Variants in PTPRD observed in about 807,000 individuals in gnomAD.
The protein encoded by PTPRD is receptor-type tyrosine-protein phosphatase delta.
A neutral mutation model predicts 214.5 loss-of-function variants in PTPRD; 34 were observed. That is an observed-to-expected ratio of 0.16 (90% CI 0.12 to 0.21). The LOEUF is 0.21. PTPRD is among the 10% of genes least tolerant of loss of function. PTPRD has a pLI of 1.00. For missense variants in PTPRD, 2,545 were observed against 2,398.7 expected, an observed-to-expected ratio of 1.06 and a Z score of -1.27; for synonymous variants, 1,128 against 845.7, an observed-to-expected ratio of 1.33 and a Z score of -5.79.
At chr9:8,790,707 G>C (rs185622902) in intron 11 of PTPRD, among the ~76,000 whole-genome samples, 2 of 151,538 alleles carry the variant, frequency 1.3e-5, no homozygotes, top group Non-Finnish European at 2.9e-5. Context: ...GAGGTTAAAA[G>C]GTTGCAAAAT....
chr9:10,401,581 A>AT (rs1491430468), intron 2 of PTPRD, among the ~76,000 whole-genome samples: 2 of 148,996 alleles, frequency 1.3e-5, no homozygotes, highest in African/African-American at 4.9e-5. Flanking sequence ...TTATATATAT[A>AT]AACAGGTACA....
chr9:10,213,863 ATACT>A (rs1232267184), intron 3 of PTPRD, among the ~76,000 whole-genome samples: 2 of 151,996 alleles, frequency 1.3e-5, no homozygotes, highest in Non-Finnish European at 2.9e-5. Flanking sequence ...AATTTATGAA[ATACT>A]TACTGAGATT....
chr9:9,253,065 A>G (rs1328467717), intron 9 of PTPRD, among the ~76,000 whole-genome samples: 1 of 152,160 alleles, frequency 6.6e-6, no homozygotes, highest in East Asian at 1.9e-4. Context: ...AATTTTAAAA[A>G]GGAACTATTT....
chr9:10,570,099 TA>T (rs1353051081), intron 2 of PTPRD, among the ~76,000 whole-genome samples: 3 of 151,940 alleles, frequency 2.0e-5, no homozygotes, highest in South Asian at 4.1e-4. Context: ...TTCTAAAAAA[TA>T]AAAAAAAGAA....
chr9:8,958,312 C>A lies in PTPRD; in HGVS notation c.-104+60385G>T, dbSNP rs1243854565. On this transcript the variant is annotated intron_variant, in intron 11 of 45. Transcript: ENST00000381196. Reference sequence around the variant, plus strand: ...CACAAATGTTCCATATACTTCTTCTCCCTAATAAGGAAAATTTCTACTTTC... The same window carrying A: ...CACAAATGTTCCATATACTTCTTCTACCTAATAAGGAAAATTTCTACTTTC... Among the ~76,000 whole-genome samples, 4 of 151,888 alleles carry A rather than the reference C, an allele frequency of 2.6e-5. No homozygotes were observed. The East Asian group carries it at 7.7e-4, about 29-fold the overall frequency.
intron 10 of PTPRD, among the ~76,000 whole-genome samples, chr9:9,102,197 A>T (rs1165573839): frequency 1.3e-5 from 2 of 152,180 alleles, no homozygotes; most frequent in African/African-American, 2.4e-5. Flanking sequence ...CTGCTCCATT[A>T]TTTTTAATAG....
chr9:9,977,249 T>A (rs1477778233), intron 4 of PTPRD, among the ~76,000 whole-genome samples: 1 of 152,148 alleles, frequency 6.6e-6, no homozygotes, highest in Non-Finnish European at 1.5e-5. Flanking sequence ...AAAGTAGAAC[T>A]TACCAATTTG....
At chr9:10,277,918 G>C (rs1025435742) in intron 3 of PTPRD, among the ~76,000 whole-genome samples, 2 of 152,170 alleles carry the variant, frequency 1.3e-5, no homozygotes, top group African/African-American at 4.8e-5. Flanking sequence ...CAGCACTTTG[G>C]GAGGGTGAGG....
chr9:10,497,523 T>C (rs1416118425), intron 2 of PTPRD, among the ~76,000 whole-genome samples: 1 of 152,056 alleles, frequency 6.6e-6, no homozygotes, highest in Non-Finnish European at 1.5e-5. Flanking sequence ...TATATAAATG[T>C]AGTTCAAACA....
chr9:8,716,216 G>C (rs1479368131), intron 12 of PTPRD, among the ~76,000 whole-genome samples: 2 of 152,204 alleles, frequency 1.3e-5, no homozygotes, highest in African/African-American at 4.8e-5. Flanking sequence ...CTTGGGCTAG[G>C]AGACACCTAA....
chr9:10,573,111 A>G (rs547521125), intron 2 of PTPRD, among the ~76,000 whole-genome samples: 1 of 152,268 alleles, frequency 6.6e-6, no homozygotes, highest in African/African-American at 2.4e-5. Flanking sequence ...GTATACGAGT[A>G]GTCCCCAATA....
At chr9:10,162,742 T>C (rs928382981) in intron 3 of PTPRD, among the ~76,000 whole-genome samples, 11 of 147,318 alleles carry the variant, frequency 7.5e-5, no homozygotes, top group Admixed American at 4.8e-4. Flanking sequence ...CATATATATA[T>C]ACATATACAT....
Position 8,457,633 on chromosome 9 carries a change from T to C in PTPRD, c.3875+2778A>G, listed in dbSNP as rs2096254257. Among the ~76,000 whole-genome samples the C allele has an allele frequency of 1.3e-5, 2 of 152,228 alleles. 1 individual carries two copies. ...GGGTAAAATATACTTCTTTATATGATAAAACTATCTGTAGCTACAGACCTA... is the reference window on the plus strand; with the variant it reads ...GGGTAAAATATACTTCTTTATATGACAAAACTATCTGTAGCTACAGACCTA... On this transcript the variant is annotated intron_variant, in intron 33 of 45. Transcript: ENST00000381196.
At chr9:9,362,000 A>T (rs1596372144) in intron 9 of PTPRD, among the ~76,000 whole-genome samples, 1 of 151,192 alleles carries the variant, frequency 6.6e-6, no homozygotes, top group Admixed American at 6.6e-5. Context: ...AACGTTAGTC[A>T]TTCTTGAGTC....
intron 12 of PTPRD, among the ~76,000 whole-genome samples, chr9:8,669,129 G>A (rs12683865): frequency 0.091 from 13,916 of 152,110 alleles, 770 homozygotes; most frequent in East Asian, 0.24. Flanking sequence ...TCAGCACTCA[G>A]AAGATTAGGG....
intron 10 of PTPRD, among the ~76,000 whole-genome samples, chr9:9,063,744 A>C (rs377327820): frequency 1.3e-5 from 2 of 152,292 alleles, no homozygotes; most frequent in South Asian, 2.1e-4. Flanking sequence ...AATGAACACT[A>C]GTATGCGGAA....
At chr9:8,734,193 C>T (rs570730982) in intron 11 of PTPRD, among the ~76,000 whole-genome samples, 38 of 152,286 alleles carry the variant, frequency 2.5e-4, no homozygotes, top group African/African-American at 9.1e-4. Context: ...ATTTTAGGCT[C>T]TCCTAAAGCC....
chr9:8,500,742 G>A lies in PTPRD; in HGVS notation c.2128+12C>T, dbSNP rs1210336022. On this transcript the variant is annotated intron_variant, in intron 24 of 45. Transcript: ENST00000381196. ...CAGAAGGGTGCAAACTGACGTAGCG[G>A]AGGCAACATACCATCTTCATTGGTT... 1 of 1,613,198 alleles carries A rather than the reference G, an allele frequency of 6.2e-7. No individual in the cohort carries two copies. The highest frequency in any genetic ancestry group is 1.1e-5 in the South Asian group (1 of 91,026).
intron 12 of PTPRD, among the ~76,000 whole-genome samples, chr9:8,669,730 G>A (rs896174995): frequency 6.6e-6 from 1 of 152,174 alleles, no homozygotes; most frequent in African/African-American, 2.4e-5. Flanking sequence ...TGATAATCCA[G>A]GAAAAGTAGG....
Sources: allele counts gnomAD v4.1 joint callset (sites outside exome capture counted in the v4.1 genomes callset), GRCh38; gene constraint gnomAD v4.1.1; transcripts MANE v1.5; gene names NCBI Gene and HGNC (gene_info 2026-07-23, HGNC 2026-07-21).